The following CELF4 variants were observed in gnomAD, a reference collection of about 807,000 sequenced individuals.
The protein encoded by CELF4 is CUGBP Elav-like family member 4.
CELF4 carries 18 observed loss-of-function variants against 59.9 expected under a neutral mutation model. That is an observed-to-expected ratio of 0.30 (90% confidence interval 0.21 to 0.45). The LOEUF is 0.45. CELF4 is among the 20% of genes least tolerant of loss of function. The pLI, the probability that CELF4 is intolerant of heterozygous loss-of-function variation, is 1.00. For missense variants in CELF4, 456 were observed against 689.0 expected (o/e 0.66, Z 3.79); for synonymous variants, 261 against 267.1 (o/e 0.98, Z 0.22).
intron 2 of CELF4, among the ~76,000 whole-genome samples, chr18:37,438,910 G>A (rs1428404308): frequency 6.6e-6 from 1 of 152,182 alleles, no homozygotes; most frequent in Admixed American, 6.5e-5. Context: ...GATTAGGTAA[G>A]TGTTTTAACC....
intron 2 of CELF4, among the ~76,000 whole-genome samples, chr18:37,471,860 C>T (rs1237462549): frequency 6.6e-6 from 1 of 152,182 alleles, no homozygotes; most frequent in Non-Finnish European, 1.5e-5. Flanking sequence ...TGAGCCGTTC[C>T]AGCTGCTGGA....
chr18:37,340,677 G>A (rs1349820420), intron 2 of CELF4, among the ~76,000 whole-genome samples: 1 of 152,220 alleles, frequency 6.6e-6, no homozygotes, highest in African/African-American at 2.4e-5. Context: ...CTGAGCAGAG[G>A]TGTGTTGGGT....
At chr18:37,436,840 G>A (rs2099694335) in intron 2 of CELF4, among the ~76,000 whole-genome samples, 1 of 152,214 alleles carries the variant, frequency 6.6e-6, no homozygotes, top group South Asian at 2.1e-4. Flanking sequence ...ATCACAGGGA[G>A]CTTGTCTATT....
intron 2 of CELF4, among the ~76,000 whole-genome samples, chr18:37,377,179 C>T (rs549235573): frequency 1.3e-4 from 20 of 152,268 alleles, no homozygotes; most frequent in African/African-American, 4.6e-4. Context: ...GAAACAAAGG[C>T]ATCCTGAGAT....
intron 1 of CELF4, among the ~76,000 whole-genome samples, chr18:37,558,681 G>A (rs1207832871): frequency 6.6e-6 from 1 of 151,876 alleles, no homozygotes; most frequent in African/African-American, 2.4e-5. Flanking sequence ...TGAAAGGAGT[G>A]GATTTTCTGC....
intron 2 of CELF4, among the ~76,000 whole-genome samples, chr18:37,325,137 T>C (rs2097261053): frequency 6.7e-6 from 1 of 149,706 alleles, no homozygotes; most frequent in Non-Finnish European, 1.5e-5. Context: ...CCAGAATCTG[T>C]TGGGCTTTGT....
intron 2 of CELF4, among the ~76,000 whole-genome samples, chr18:37,336,853 C>T (rs925353041): frequency 1.3e-5 from 2 of 152,260 alleles, no homozygotes; most frequent in African/African-American, 2.4e-5. Flanking sequence ...AAGGCAGGCG[C>T]TGGCCCTGGG....
chr18:37,539,722 C>G (rs186187121), intron 1 of CELF4, among the ~76,000 whole-genome samples: 274 of 152,338 alleles, frequency 1.8e-3, no homozygotes, highest in African/African-American at 5.9e-3. Context: ...ACCACTGTAG[C>G]CCCTCTTTAC....
intron 1 of CELF4, among the ~76,000 whole-genome samples, chr18:37,494,528 C>T (rs887798056): frequency 6.6e-6 from 1 of 152,208 alleles, no homozygotes; most frequent in Non-Finnish European, 1.5e-5. Context: ...CATGAGGGTG[C>T]TCCCTTATGT....
chr18:37,337,263 C>CT (rs1196374593), intron 2 of CELF4, among the ~76,000 whole-genome samples: 1 of 152,176 alleles, frequency 6.6e-6, no homozygotes, highest in Non-Finnish European at 1.5e-5. Context: ...GGTGGGGAGA[C>CT]TGGCGAGACC....
At chr18:37,518,818 T>G (rs1301314693) in intron 1 of CELF4, among the ~76,000 whole-genome samples, 1 of 152,162 alleles carries the variant, frequency 6.6e-6, no homozygotes, top group Non-Finnish European at 1.5e-5. Context: ...TCCTTACAGT[T>G]TTAGGTGTCT....
chr18:37,348,947 G>T (rs1050854158), intron 2 of CELF4, among the ~76,000 whole-genome samples: 1 of 152,124 alleles, frequency 6.6e-6, no homozygotes, highest in Non-Finnish European at 1.5e-5. Flanking sequence ...TGCCTCCAGG[G>T]GGTTTGGGAG....
intron 2 of CELF4, among the ~76,000 whole-genome samples, chr18:37,398,147 A>G (rs530716118): frequency 6.0e-4 from 92 of 152,180 alleles, no homozygotes; most frequent in African/African-American, 2.1e-3. Context: ...CTGTTGGGAG[A>G]GAGTGAAGGA....
At chr18:37,353,862 T>C (rs2098513802) in intron 2 of CELF4, among the ~76,000 whole-genome samples, 1 of 149,706 alleles carries the variant, frequency 6.7e-6, no homozygotes, top group South Asian at 2.2e-4. Flanking sequence ...GTTCCCGCCA[T>C]CCTCCTGCCT....
At chr18:37,272,039 C>T (rs1277613358) in intron 7 of CELF4, among the ~76,000 whole-genome samples, 1 of 152,144 alleles carries the variant, frequency 6.6e-6, no homozygotes, top group East Asian at 1.9e-4. Context: ...GAGTAGTGTT[C>T]AAGTTGAGCC....
At chr18:37,328,156 C>T (rs897555672) in intron 2 of CELF4, among the ~76,000 whole-genome samples, 9 of 152,196 alleles carry the variant, frequency 5.9e-5, no homozygotes, top group Admixed American at 2.0e-4. Flanking sequence ...TGTGCTTCTT[C>T]CCTGGAGTAC....
intron 2 of CELF4, among the ~76,000 whole-genome samples, chr18:37,361,472 G>A (rs1419317384): frequency 1.3e-5 from 2 of 152,166 alleles, no homozygotes; most frequent in African/African-American, 4.8e-5. Context: ...CCCCATTAGC[G>A]AAGTTATTTA....
chr18:37,507,447 G>A (rs529229437), intron 1 of CELF4, among the ~76,000 whole-genome samples: 172 of 152,282 alleles, frequency 1.1e-3, no homozygotes, highest in African/African-American at 3.7e-3. Flanking sequence ...GGCCTCCAGC[G>A]TCTCTGTTTC....
chr18:37,306,329 C>A (rs1444052376), intron 3 of CELF4: 1 of 152,358 alleles, frequency 6.6e-6, no homozygotes, highest in Non-Finnish European at 1.5e-5. Flanking sequence ...TGTCACTCCC[C>A]TCCTGGCGTG....
Sources: gnomAD v4.1 joint callset for allele counts (sites outside exome capture counted in the v4.1 genomes callset) on GRCh38, gnomAD v4.1.1 for gene constraint, MANE v1.5 for transcripts, NCBI Gene and HGNC (gene_info 2026-07-23, HGNC 2026-07-21) for gene names.